The following UGT1A9 variants were observed in gnomAD, a reference collection of about 807,000 sequenced individuals.
UGT1A9 encodes the protein UDP glucuronosyltransferase family 1 member A9, also known as UDP-glucuronosyltransferase 1A9.
Under a neutral mutation model 45.0 loss-of-function variants are expected in UGT1A9, and 35 were observed. That is an observed-to-expected ratio of 0.78 (90% CI 0.59 to 1.03). The LOEUF is 1.03. Among genes scored for constraint, UGT1A9 ranks in the 50% least tolerant of loss-of-function variants. The probability of loss-of-function intolerance (pLI) is 0.00; values close to 1 mark genes in which losing one functional copy is unlikely to be tolerated. For synonymous variants in UGT1A9, 278 were observed against 250.6 expected (o/e 1.11, Z -1.03); for missense variants, 687 against 666.6 (o/e 1.03, Z -0.34).
chr2:233,719,070 T>C lies in UGT1A9; in HGVS notation c.855+46281T>C, dbSNP rs144655870. On this transcript the variant is annotated intron_variant, in intron 1 of 4. Coordinates refer to ENST00000354728, the MANE Select transcript of UGT1A9 (RefSeq NM_021027.3). The stretch of plus-strand genomic sequence containing the variant: ...CACCCTGACAGCCTATGCTGTTCCA[T>C]GGACCCAGAAGGAATTTGATCGCGT... The C allele has an allele frequency of 4.3e-6, 7 of 1,614,166 alleles. No individual in the cohort carries two copies. In the African/African-American group the frequency reaches 6.7e-5, roughly 15 times the overall value.
chr2:233,690,402 C>T (rs1273231905), intron 1 of UGT1A9: 1 of 1,162,898 alleles, frequency 8.6e-7, no homozygotes, highest in Admixed American at 2.5e-5. Flanking sequence ...TTCCTATTCC[C>T]AACATGAAAT....
rs1173929998 is a variant in UGT1A9, at chr2:233,772,412, G to A, written c.1446G>A (p.Gln482=). The change falls in exon 5 of 5, where the codon CAG becomes CAA. Residue 482 remains glutamine (Q), a synonymous_variant. Transcript: ENST00000354728. The part of the protein sequence containing the change: ...RPAAHDLTWY[Q]YHSLDVIGFL... Reference sequence around the variant, plus strand: ...CAGCCCACGACCTCACCTGGTACCAGTACCATTCCTTGGACGTGATTGGTT... The same window carrying A: ...CAGCCCACGACCTCACCTGGTACCAATACCATTCCTTGGACGTGATTGGTT... 3 of 1,614,244 alleles carry A rather than the reference G, an allele frequency of 1.9e-6. No individual in the cohort carries two copies. The highest frequency in any genetic ancestry group is 1.7e-5 in the Admixed American group (1 of 60,028).
In UGT1A9 at chr2:233,700,897, G is replaced by A. The variant is rs567027722; in HGVS notation, c.855+28108G>A. 8.2e-5 allele frequency among the ~76,000 whole-genome samples: 12 copies of A among 147,132 alleles called. 1 individual carries two copies. The East Asian group carries it at 2.2e-3, about 26-fold the overall frequency. ...CTCCCCCCACCCCACAACAGTCCCC[G>A]GTGTGTGACGTTCCTCTTCCTGTGT... is the stretch of plus-strand genomic sequence containing the variant. On this transcript the variant is annotated intron_variant, in intron 1 of 4. Coordinates refer to ENST00000354728, the MANE Select transcript of UGT1A9 (RefSeq NM_021027.3).
intron 3 of UGT1A9, 53 bp from the exon 4 acceptor site, chr2:233,768,167 G>T: frequency 5.6e-6 from 9 of 1,613,612 alleles, no homozygotes; most frequent in Non-Finnish European, 7.6e-6. Context: ...GATGTGTCCA[G>T]CTGTGAAACT....
chr2:233,687,722 G>C (rs10203266), intron 1 of UGT1A9, among the ~76,000 whole-genome samples: 58,987 of 151,680 alleles, frequency 0.39, 11,651 homozygotes, highest in South Asian at 0.45. Flanking sequence ...GGACAACATA[G>C]GGAGACACTG....
intron 1 of UGT1A9, among the ~76,000 whole-genome samples, chr2:233,703,459 ATTC>A (rs2075739699): frequency 6.6e-6 from 1 of 151,408 alleles, no homozygotes; most frequent in Non-Finnish European, 1.5e-5. Context: ...TTTCCCCTCT[ATTC>A]TTTATTATTT....
chr2:233,742,782 C>G lies in UGT1A9; in HGVS notation c.856-24252C>G, dbSNP rs76952857. ...ATAATAAATGCATGTTGTTTTGAACCATCATTAAATTAAGCCAGAAGTATT... is the reference window on the plus strand; with the variant it reads ...ATAATAAATGCATGTTGTTTTGAACGATCATTAAATTAAGCCAGAAGTATT... On this transcript the variant is annotated intron_variant, in intron 1 of 4. Coordinates refer to ENST00000354728, the MANE Select transcript of UGT1A9 (RefSeq NM_021027.3). 2.0e-5 allele frequency: 3 copies of G among 152,908 alleles called. No individual in the cohort carries two copies. In the East Asian group the frequency reaches 5.8e-4, roughly 29 times the overall value. 9.5% of individuals were successfully genotyped at this position (152,908 alleles called of 1,614,324 possible). A position where few individuals can be genotyped will look rare whatever the true frequency, so the allele number is the denominator to read the frequency against.
At chr2:233,730,836 G>C (rs1337696398) in intron 1 of UGT1A9, among the ~76,000 whole-genome samples, 1 of 152,122 alleles carries the variant, frequency 6.6e-6, no homozygotes, top group African/African-American at 2.4e-5. Flanking sequence ...CTCAGGAGAG[G>C]CTCATCACAT....
In UGT1A9 at chr2:233,743,883, G is replaced by A. The variant is rs373345166; in HGVS notation, c.856-23151G>A. 1.0e-5 allele frequency: 14 copies of A among 1,366,944 alleles called. No individual in the cohort carries two copies. In the East Asian group the frequency reaches 1.4e-4, roughly 13 times the overall value. 84.7% of individuals were successfully genotyped at this position (1,366,944 alleles called of 1,614,324 possible). On this transcript the variant is annotated intron_variant, in intron 1 of 4. Transcript: ENST00000354728. ...TTGATGGCCTCGGATGAGGCCTGCC[G>A]GGGCACGTCCAGCACCTCGTAGTAG...
At chr2:233,756,198 G>C (rs1023408746) in intron 1 of UGT1A9, 1 of 152,220 alleles carries the variant, frequency 6.6e-6, no homozygotes, top group Non-Finnish European at 1.5e-5. Flanking sequence ...TAGCAGAGTA[G>C]TCCCTGGTAT....
chr2:233,713,462 C>T lies in UGT1A9; in HGVS notation c.855+40673C>T, dbSNP rs146711966. The T allele has an allele frequency of 1.6e-4, 256 of 1,614,090 alleles. 3 individuals are homozygous for T. The African/African-American group carries it at 2.8e-3, about 18-fold the overall frequency. ...TTCTAACAGACCCCTTTCACCTCTG[C>T]GCGGCGGTGCTGGCTAAGTACCTGT... On this transcript the variant is annotated intron_variant, in intron 1 of 4. Transcript: ENST00000354728.
At chr2:233,689,025 G>A (rs1000208485) in intron 1 of UGT1A9, among the ~76,000 whole-genome samples, 5 of 152,202 alleles carry the variant, frequency 3.3e-5, no homozygotes, top group African/African-American at 1.2e-4. Flanking sequence ...ACATGGCCAA[G>A]TGGAAATCCT....
intron 3 of UGT1A9, 40 bp from the exon 4 acceptor site, chr2:233,768,180 G>C: frequency 6.2e-7 from 1 of 1,613,956 alleles, no homozygotes; most frequent in Admixed American, 1.7e-5. Context: ...GTGAAACTCA[G>C]AGATGTAACT....
chr2:233,725,428 A>G (rs1391321502), intron 1 of UGT1A9, among the ~76,000 whole-genome samples: 1 of 151,952 alleles, frequency 6.6e-6, no homozygotes, highest in Non-Finnish European at 1.5e-5. Flanking sequence ...CAATAGAAAT[A>G]TAATGTAAGC....
chr2:233,731,467 G>C (rs1024241459), intron 1 of UGT1A9, among the ~76,000 whole-genome samples: 1 of 152,074 alleles, frequency 6.6e-6, no homozygotes, highest in Admixed American at 6.5e-5. Context: ...CCTGGCGTGT[G>C]ATGTTCCCTG....
chr2:233,747,488 T>C lies in UGT1A9; in HGVS notation c.856-19546T>C. 5.0e-6 allele frequency: 8 copies of C among 1,608,972 alleles called. No homozygotes were observed. In the South Asian group the frequency reaches 8.8e-5, roughly 18 times the overall value. On this transcript the variant is annotated intron_variant, in intron 1 of 4. Coordinates refer to ENST00000354728, the MANE Select transcript of UGT1A9 (RefSeq NM_021027.3). Reference sequence around the variant, plus strand: ...GGACCCAGGATGAATTTGATCGCCTTGTGCTGGGCCACACTCAACTGTACT... The same window carrying C: ...GGACCCAGGATGAATTTGATCGCCTCGTGCTGGGCCACACTCAACTGTACT...
At chr2:233,743,234 A>C (rs17863796) in intron 1 of UGT1A9, 5,154 of 418,520 alleles carry the variant, frequency 0.012, 81 homozygotes, top group South Asian at 0.038. Flanking sequence ...ATTTATTATG[A>C]AGGACTTTAA....
chr2:233,693,830 G>A (rs930455403), intron 1 of UGT1A9: 1 of 1,614,166 alleles, frequency 6.2e-7, no homozygotes, highest in South Asian at 1.1e-5. Flanking sequence ...CTTCATTGGA[G>A]GTATCAACTG....
chr2:233,675,135 G>T (rs995853037), intron 1 of UGT1A9, among the ~76,000 whole-genome samples: 13 of 145,500 alleles, frequency 8.9e-5, no homozygotes, highest in African/African-American at 2.7e-4. Flanking sequence ...TCTCCTTGAG[G>T]CTATCCAGGG....
Sources: gnomAD v4.1 joint callset for allele counts (sites outside exome capture counted in the v4.1 genomes callset) on GRCh38, gnomAD v4.1.1 for gene constraint, MANE v1.5 for transcripts, NCBI Gene and HGNC (gene_info 2026-07-23, HGNC 2026-07-21) for gene names.